Variants in FAT3 observed in about 807,000 individuals in gnomAD.
The protein encoded by FAT3 is protocadherin Fat 3.
A neutral mutation model predicts 310.2 loss-of-function variants in FAT3; 95 were observed. That is an observed-to-expected ratio of 0.31 (90% CI 0.26 to 0.36). The LOEUF (loss-of-function observed/expected upper bound fraction) is 0.36, where lower values mean the gene tolerates loss of function less well. Among genes scored for constraint, FAT3 ranks in the 10% least tolerant of loss-of-function variants. FAT3 has a pLI of 1.00. For missense variants in FAT3, 5,408 were observed against 5,715.6 expected, an observed-to-expected ratio of 0.95 and a Z score of 1.74; for synonymous variants, 2,314 against 2,192.9, an observed-to-expected ratio of 1.06 and a Z score of -1.54.
chr11:92,774,098 C>T lies in FAT3; in HGVS notation c.4253C>T (p.Ala1418Val), dbSNP rs368222687. Reference sequence around the variant, plus strand: ...AAGGGTGTTGGGACAATTGTCATCGCAAAACCTTTGGATGCAGAGCAGAGG... The same window carrying T: ...AAGGGTGTTGGGACAATTGTCATCGTAAAACCTTTGGATGCAGAGCAGAGG... Reference protein sequence around the residue: ...AEKGVGTIVIAKPLDAEQRSI... With the variant: ...AEKGVGTIVIVKPLDAEQRSI... The change falls in exon 7 of 28, where the codon GCA becomes GTA. Residue 1418 changes from alanine to valine, a missense_variant. By Grantham distance (64) the Ala-to-Val change is moderately conservative. Coordinates refer to ENST00000525166, the MANE Select transcript of FAT3 (RefSeq NM_001367949.2). The T allele has an allele frequency of 1.2e-6, 2 of 1,613,718 alleles. No homozygotes were observed. The highest frequency in any genetic ancestry group is 1.7e-6 in the Non-Finnish European group (2 of 1,179,728).
chr11:92,736,690 A>G (rs1258861333), intron 4 of FAT3, among the ~76,000 whole-genome samples: 1 of 152,172 alleles, frequency 6.6e-6, no homozygotes, highest in Non-Finnish European at 1.5e-5. Flanking sequence ...TACTGTAGAA[A>G]TTTCATTTTT....
At position 92,470,587 on chromosome 11, in the gene FAT3, C is replaced by T. The variant is rs577802918; in HGVS notation, c.3293-54047C>T. Reference sequence around the variant, plus strand: ...GTAAGTCCTTTGGGAAACACCAAGCCCTGCTGTACATGGAACTCACAGAAC... The same window carrying T: ...GTAAGTCCTTTGGGAAACACCAAGCTCTGCTGTACATGGAACTCACAGAAC... On this transcript the variant is annotated intron_variant, in intron 2 of 27. Coordinates refer to ENST00000525166, the MANE Select transcript of FAT3 (RefSeq NM_001367949.2). Among the ~76,000 whole-genome samples the T allele has an allele frequency of 3.0e-4, 46 of 152,256 alleles. No individual in the cohort carries two copies. In the South Asian group the frequency reaches 8.9e-3, roughly 30 times the overall value.
At chr11:92,525,087 A>G in intron 3 of FAT3, 139 bp downstream of exon 3, 1 of 733,370 alleles carries the variant, frequency 1.4e-6, no homozygotes. Flanking sequence ...TGAAAAGGTG[A>G]GTGCCACTTC....
intron 2 of FAT3, among the ~76,000 whole-genome samples, chr11:92,421,492 CCT>C (rs1214599388): frequency 3.9e-5 from 6 of 152,078 alleles, no homozygotes; most frequent in African/African-American, 1.2e-4. Flanking sequence ...TCAGCTTCCC[CCT>C]GTTTTATTGG....
chr11:92,661,817 G>T (rs1942793066), intron 3 of FAT3, among the ~76,000 whole-genome samples: 1 of 151,964 alleles, frequency 6.6e-6, no homozygotes. Context: ...ATAAGCCCTG[G>T]TTATTTATAT....
chr11:92,844,697 C>T lies in FAT3; in HGVS notation c.11330C>T (p.Pro3777Leu), dbSNP rs769645043. 20 of 1,572,972 alleles carry T rather than the reference C, an allele frequency of 1.3e-5. No homozygotes were observed. Among genetic ancestry groups the T allele is most frequent in the South Asian group, 4.6e-5 (4 of 86,028 alleles). The change falls in exon 19 of 28, where the codon CCG becomes CTG. Residue 3777 changes from proline (P) to leucine (L), a missense_variant. Transcript: ENST00000525166. ...YSTARISFVC[P>L]RFYRNVRCTC... The stretch of plus-strand genomic sequence containing the variant: ...ACGGCTCGCATCAGCTTTGTGTGTC[C>T]GCGTTTCTACAGGAACGTGCGTTGC...
At chr11:92,606,834 A>G (rs1447490300) in intron 3 of FAT3, among the ~76,000 whole-genome samples, 1 of 152,190 alleles carries the variant, frequency 6.6e-6, no homozygotes, top group African/African-American at 2.4e-5. Flanking sequence ...TTTGGAGCAG[A>G]TGAGGGTAGG....
At chr11:92,403,709 A>G (rs1950073897) in intron 2 of FAT3, among the ~76,000 whole-genome samples, 1 of 152,184 alleles carries the variant, frequency 6.6e-6, no homozygotes, top group South Asian at 2.1e-4. Context: ...TTGCTCCATC[A>G]GCAGAGAAAA....
chr11:92,688,496 A>G (rs1204210211), intron 3 of FAT3, among the ~76,000 whole-genome samples: 1 of 152,200 alleles, frequency 6.6e-6, no homozygotes, highest in Admixed American at 6.5e-5. Flanking sequence ...CTAGCTGAAC[A>G]TTAGAATCAC....
chr11:92,883,661 T>C lies in FAT3; in HGVS notation c.12937+268T>C, dbSNP rs1314242868. 6.6e-6 allele frequency among the ~76,000 whole-genome samples: 1 copy of C among 152,056 alleles called. No homozygotes were observed. ...GAGGCAGTCAGTACCCCAACTCAAGTCTTCCAGGCTCCAAAACCCATCCTC... is the reference window on the plus strand; with the variant it reads ...GAGGCAGTCAGTACCCCAACTCAAGCCTTCCAGGCTCCAAAACCCATCCTC... On this transcript the variant is annotated intron_variant, in intron 24 of 27. Transcript: ENST00000525166. The surrounding 1 kb of genome is among the most constrained non-coding windows in gnomAD (Gnocchi z 4.2).
At chr11:92,617,496 A>G (rs1055424456) in intron 3 of FAT3, among the ~76,000 whole-genome samples, 2 of 152,190 alleles carry the variant, frequency 1.3e-5, no homozygotes, top group Non-Finnish European at 2.9e-5. Flanking sequence ...CGTCAAAGTC[A>G]TTCTCTGTCC....
chr11:92,822,682 A>G (rs377009253), intron 13 of FAT3, among the ~76,000 whole-genome samples: 2 of 152,192 alleles, frequency 1.3e-5, no homozygotes, highest in East Asian at 1.9e-4. Flanking sequence ...GCTCCTTCCA[A>G]TCTTTCTTTT....
intron 27 of FAT3, among the ~76,000 whole-genome samples, 155 bp downstream of exon 27, chr11:92,890,046 A>G (rs1949881416): frequency 6.6e-6 from 1 of 152,142 alleles, no homozygotes; most frequent in Non-Finnish European, 1.5e-5. Context: ...CTCCACCAGC[A>G]TTCCCCTCCT....
At position 92,889,837 on chromosome 11, in the gene FAT3, T is replaced by C; in HGVS notation, c.13112-19T>C. The C allele has an allele frequency of 1.4e-6, 1 of 717,886 alleles. No homozygotes were observed. The highest frequency in any genetic ancestry group is 2.6e-6 in the Non-Finnish European group (1 of 385,172). 44.5% of individuals were successfully genotyped at this position (717,886 alleles called of 1,614,324 possible). A position where few individuals can be genotyped will look rare whatever the true frequency, so the allele number is the denominator to read the frequency against. ...TGGTTTGGACTGTCAGTTTTACTTT[T>C]CACTTTGTATTTAAACAGTGTCTGT... On this transcript the variant is annotated intron_variant, in intron 26 of 27. Transcript: ENST00000525166.
intron 2 of FAT3, among the ~76,000 whole-genome samples, chr11:92,459,763 A>G (rs946651373): frequency 2.0e-5 from 3 of 152,126 alleles, no homozygotes; most frequent in Non-Finnish European, 2.9e-5. Context: ...GTTTGATGTC[A>G]TGATACATTC....
chr11:92,807,345 A>T (rs79731446), intron 12 of FAT3, among the ~76,000 whole-genome samples: 252 of 152,164 alleles, frequency 1.7e-3, no homozygotes, highest in African/African-American at 5.7e-3. Context: ...CATTCTCTGT[A>T]CCCCAAGAAT....
intron 22 of FAT3, among the ~76,000 whole-genome samples, chr11:92,876,641 C>CAT (rs1302139601): frequency 2.0e-5 from 3 of 152,226 alleles, no homozygotes; most frequent in Non-Finnish European, 2.9e-5. Context: ...GCTGGGGCTG[C>CAT]ATAGTCTCCT....
intron 3 of FAT3, among the ~76,000 whole-genome samples, chr11:92,668,120 A>G (rs1017950065): frequency 2.0e-5 from 3 of 152,166 alleles, no homozygotes; most frequent in Admixed American, 2.0e-4. Context: ...GCGTGTCTTT[A>G]TGACTGGAAG....
At chr11:92,265,379 T>A (rs1945910968) in intron 1 of FAT3, among the ~76,000 whole-genome samples, 1 of 152,008 alleles carries the variant, frequency 6.6e-6, no homozygotes. Context: ...AGCATGGTGT[T>A]GGGAGCTGCA....
Sources: allele counts gnomAD v4.1 joint callset (sites outside exome capture counted in the v4.1 genomes callset), GRCh38; gene constraint gnomAD v4.1.1; non-coding constraint Gnocchi (gnomAD v3.1); transcripts MANE v1.5; gene names NCBI Gene and HGNC (gene_info 2026-07-23, HGNC 2026-07-21).